SERINC5: variants seen among roughly 807,000 people sequenced by gnomAD.
The protein encoded by SERINC5 is chromosome 5 open reading frame 12.
Under a neutral mutation model 63.1 loss-of-function variants are expected in SERINC5, and 41 were observed. The ratio of observed to expected loss-of-function variants is 0.65; its 90% CI spans 0.51 to 0.84. SERINC5 has a LOEUF of 0.84. SERINC5 is among the 40% of genes least tolerant of loss of function. SERINC5 has a pLI of 0.00. For synonymous variants in SERINC5, 222 were observed against 215.2 expected, an observed-to-expected ratio of 1.03 and a Z score of -0.28; for missense variants, 523 against 573.0, an observed-to-expected ratio of 0.91 and a Z score of 0.89.
chr5:80,195,442 C>T (rs903977131), intron 2 of SERINC5, among the ~76,000 whole-genome samples: 63 of 152,202 alleles, frequency 4.1e-4, no homozygotes, highest in African/African-American at 1.5e-3. Context: ...GAACACTTAA[C>T]ACCACACGTA....
rs556242224 is a variant in SERINC5 at position 80,112,370 on chromosome 5, G to A, written c.*30-668C>T. Reference sequence around the variant, plus strand: ...ATAGTACCTTCCCTTGAACTTATTTGTGACACACATTCCTTTGCTCACGTT... The same window carrying A: ...ATAGTACCTTCCCTTGAACTTATTTATGACACACATTCCTTTGCTCACGTT... On this transcript the variant is annotated intron_variant, in intron 12 of 12. Coordinates refer to the SERINC5 transcript ENST00000509193. 2.0e-5 allele frequency among the ~76,000 whole-genome samples: 3 copies of A among 152,256 alleles called. No individual in the cohort carries two copies. In the East Asian group the frequency reaches 5.8e-4, roughly 29 times the overall value.
At position 80,185,902 on chromosome 5, in the gene SERINC5, C is replaced by T. The variant is rs140344231; in HGVS notation, c.196-7838G>A. Among the ~76,000 whole-genome samples, 385 of 152,128 alleles carry T rather than the reference C, an allele frequency of 2.5e-3. 5 individuals are homozygous for T. The highest frequency in any genetic ancestry group is 8.0e-3 in the African/African-American group (332 of 41,472). On this transcript the variant is annotated intron_variant, in intron 2 of 11. Coordinates refer to ENST00000507668, the MANE Select transcript of SERINC5 (RefSeq NM_001174072.3). The stretch of plus-strand genomic sequence containing the variant: ...TTACTTCAGGCCATCTGGGCATATA[C>T]CTGCAAGTCACAGGGGATGCGATAG...
At chr5:80,220,783 C>G (rs978815853) in intron 1 of SERINC5, among the ~76,000 whole-genome samples, 1 of 151,652 alleles carries the variant, frequency 6.6e-6, no homozygotes, top group African/African-American at 2.4e-5. Context: ...CAAGTAGTAA[C>G]TGGAAAAAAA....
chr5:80,226,069 T>A lies in SERINC5; in HGVS notation c.28-23016A>T, dbSNP rs1162937877. On this transcript the variant is annotated intron_variant, in intron 1 of 11. Transcript: ENST00000507668. ...AAAAAAAAAAACCACCCCCCTGCCT[T>A]TTGTTTGAGACAGTGTCTCACTCTG... Among the ~76,000 whole-genome samples, 6 of 149,656 alleles carry A rather than the reference T, an allele frequency of 4.0e-5. No homozygotes were observed. The East Asian group carries it at 1.2e-3, about 30-fold the overall frequency.
intron 12 of SERINC5, among the ~76,000 whole-genome samples, chr5:80,112,440 T>C (rs555343766): frequency 5.7e-4 from 87 of 152,250 alleles, no homozygotes; most frequent in African/African-American, 2.0e-3. Context: ...CTCCTGCCGC[T>C]TCCTCTTGCT....
At chr5:80,166,622 G>A (rs1747320128) in intron 6 of SERINC5, 144 bp from the exon 7 acceptor site, 2 of 561,038 alleles carry the variant, frequency 3.6e-6, no homozygotes, top group Non-Finnish European at 6.4e-6. Context: ...AATGTAGTAT[G>A]TTTCTCAGAT....
At position 80,180,850 on chromosome 5, in the gene SERINC5, T is replaced by C. The variant is rs184338336; in HGVS notation, c.196-2786A>G. 1.8e-4 allele frequency among the ~76,000 whole-genome samples: 28 copies of C among 152,336 alleles called. 1 individual carries two copies. Among genetic ancestry groups the C allele is most frequent in the Admixed American group, 1.5e-3 (23 of 15,286 alleles). On this transcript the variant is annotated intron_variant, in intron 2 of 11. Transcript: ENST00000507668. The stretch of plus-strand genomic sequence containing the variant: ...TGGGAAGATAAGCTTGTAATGGGCA[T>C]TGTCAGTGTGAAATGTAACAGACTG...
At chr5:80,225,879 C>T (rs188802799) in intron 1 of SERINC5, among the ~76,000 whole-genome samples, 2 of 152,272 alleles carry the variant, frequency 1.3e-5, no homozygotes, top group East Asian at 1.9e-4. Context: ...GTGCTTCCAT[C>T]GAAACACCAA....
intron 1 of SERINC5, among the ~76,000 whole-genome samples, chr5:80,225,089 C>G (rs181314054): frequency 6.2e-4 from 95 of 152,090 alleles, no homozygotes; most frequent in Middle Eastern, 3.4e-3. Context: ...TACAGGGGCA[C>G]GCCACCACAC....
intron 1 of SERINC5, among the ~76,000 whole-genome samples, chr5:80,225,722 T>C (rs1300216169): frequency 6.6e-6 from 1 of 152,132 alleles, no homozygotes; most frequent in Admixed American, 6.5e-5. Context: ...CTGTGTAATA[T>C]GCACTCACAC....
At chr5:80,164,256 G>A (rs183949118) in intron 7 of SERINC5, among the ~76,000 whole-genome samples, 2 of 148,682 alleles carry the variant, frequency 1.3e-5, no homozygotes, top group African/African-American at 5.0e-5. Context: ...TAGTCCAGGG[G>A]CTTATCAATT....
intron 1 of SERINC5, among the ~76,000 whole-genome samples, chr5:80,218,819 G>A (rs966899710): frequency 2.0e-5 from 3 of 151,938 alleles, no homozygotes; most frequent in South Asian, 2.1e-4. Flanking sequence ...ACCACTGGCC[G>A]CTCTCCCCAC....
chr5:80,160,956 A>G (rs6876630), intron 7 of SERINC5, among the ~76,000 whole-genome samples: 195 of 125,690 alleles, frequency 1.6e-3, no homozygotes, highest in African/African-American at 5.2e-3. Flanking sequence ...GTATATATAT[A>G]TGTGTGTGTA....
chr5:80,192,886 G>C (rs148449431), intron 2 of SERINC5, among the ~76,000 whole-genome samples: 185 of 152,324 alleles, frequency 1.2e-3, no homozygotes, highest in African/African-American at 4.4e-3. Context: ...GGTCAGCCGA[G>C]TCACATCTGA....
chr5:80,218,726 G>GT (rs1750777251), intron 1 of SERINC5, among the ~76,000 whole-genome samples: 1 of 151,556 alleles, frequency 6.6e-6, no homozygotes, highest in African/African-American at 2.4e-5. Flanking sequence ...CTGTGCTATG[G>GT]TAATGCCCAC....
intron 1 of SERINC5, among the ~76,000 whole-genome samples, chr5:80,233,323 AG>A (rs78830114): frequency 0.34 from 51,442 of 151,954 alleles, 9,705 homozygotes; most frequent in East Asian, 0.6. Flanking sequence ...GCTACTCAGG[AG>A]GCTGAGACAG....
At chr5:80,240,912 A>G (rs1358680751) in intron 1 of SERINC5, among the ~76,000 whole-genome samples, 1 of 152,138 alleles carries the variant, frequency 6.6e-6, no homozygotes, top group Non-Finnish European at 1.5e-5. Context: ...GGCTCAAGTG[A>G]TCCGCCCACC....
At chr5:80,186,594 G>A (rs1748826106) in intron 2 of SERINC5, among the ~76,000 whole-genome samples, 1 of 152,082 alleles carries the variant, frequency 6.6e-6, no homozygotes, top group Admixed American at 6.6e-5. Flanking sequence ...ATGAAAACAA[G>A]TAATAAACTC....
chr5:80,128,738 T>C (rs549913616), intron 11 of SERINC5, among the ~76,000 whole-genome samples: 1 of 152,208 alleles, frequency 6.6e-6, no homozygotes, highest in Non-Finnish European at 1.5e-5. Context: ...ACACATTAAG[T>C]GTTCAATAAA....
Sources: gnomAD v4.1 joint callset for allele counts (sites outside exome capture counted in the v4.1 genomes callset) on GRCh38, gnomAD v4.1.1 for gene constraint, MANE v1.5 for transcripts, NCBI Gene and HGNC (gene_info 2026-07-23, HGNC 2026-07-21) for gene names.